The following RAB33B variants were observed in gnomAD, a reference collection of about 807,000 sequenced individuals.
RAB33B encodes the protein ras-related protein Rab-33B.
Under a neutral mutation model 15.0 loss-of-function variants are expected in RAB33B, and 6 were observed. The observed-to-expected ratio is 0.40, with a 90% CI of 0.22 to 0.79. The LOEUF is 0.79. Among genes scored for constraint, RAB33B ranks in the 30% least tolerant of loss-of-function variants. The pLI is 0.37. For missense variants in RAB33B, 257 were observed against 296.4 expected, an observed-to-expected ratio of 0.87 and a Z score of 0.98; for synonymous variants, 117 against 108.3, an observed-to-expected ratio of 1.08 and a Z score of -0.50.
upstream of RAB33B, chr4:139,450,764 AAG>A (rs1462895572): frequency 2.0e-5 from 3 of 152,122 alleles, no homozygotes; most frequent in African/African-American, 7.2e-5. Context: ...AAAATTATCT[AAG>A]AGCTGTTTCT....
the RAB33B span, among the ~76,000 whole-genome samples, chr4:139,441,593 A>G: frequency 6.6e-6 from 1 of 152,186 alleles, no homozygotes; most frequent in African/African-American, 2.4e-5. Flanking sequence ...TTTATGACGG[A>G]ATTATATCCC....
chr4:139,471,601 A>G (rs1214949038), intron 1 of RAB33B, among the ~76,000 whole-genome samples: 6 of 148,830 alleles, frequency 4.0e-5, no homozygotes, highest in Non-Finnish European at 7.4e-5. Flanking sequence ...TGATAGGTAG[A>G]GCTTTCTATT....
At chr4:139,439,099 G>A in the RAB33B span, among the ~76,000 whole-genome samples, 1,068 of 152,150 alleles carry the variant, frequency 7.0e-3, 8 homozygotes, top group African/African-American at 0.024. Flanking sequence ...TGCAAGCTCC[G>A]CCTCCTGGAT....
At chr4:139,466,427 A>G (rs1034917742) in intron 1 of RAB33B, among the ~76,000 whole-genome samples, 2 of 152,154 alleles carry the variant, frequency 1.3e-5, no homozygotes, top group Non-Finnish European at 2.9e-5. Context: ...TGATGAAGTG[A>G]TGCTTGAACA....
At chr4:139,449,292 T>C (rs1386839309), upstream of RAB33B, 1 of 152,240 alleles carries the variant, frequency 6.6e-6, no homozygotes, top group Non-Finnish European at 1.5e-5. Context: ...GGTGTAATTA[T>C]GACATTATTA....
At chr4:139,463,614 C>CA (rs1750214421) in intron 1 of RAB33B, among the ~76,000 whole-genome samples, 1 of 152,186 alleles carries the variant, frequency 6.6e-6, no homozygotes, top group Non-Finnish European at 1.5e-5. Flanking sequence ...CCAAAAGTAT[C>CA]AGTTTCTCTT....
chr4:139,469,337 G>C (rs1320175356), intron 1 of RAB33B, among the ~76,000 whole-genome samples: 1 of 152,024 alleles, frequency 6.6e-6, no homozygotes, highest in Non-Finnish European at 1.5e-5. Context: ...GATCAGTTCT[G>C]CTGTTAAAGG....
chr4:139,473,365 T>C lies in RAB33B; in HGVS notation c.*239T>C. 2.0e-6 allele frequency: 1 copy of C among 497,534 alleles called. No homozygotes were observed. The highest frequency in any genetic ancestry group is 3.5e-6 in the Non-Finnish European group (1 of 282,206). 30.8% of individuals were successfully genotyped at this position (497,534 alleles called of 1,614,324 possible). On this transcript the variant is annotated 3_prime_UTR_variant, in exon 2 of 2. Coordinates refer to ENST00000305626, the MANE Select transcript of RAB33B (RefSeq NM_031296.3). ...AAGATAGGATGAATCTGAACATCTC[T>C]CCATCTAGAGCCCAATGAAGGAAGC...
chr4:139,444,743 A>G, the RAB33B span, among the ~76,000 whole-genome samples: 3 of 152,110 alleles, frequency 2.0e-5, no homozygotes, highest in African/African-American at 7.2e-5. Context: ...CCCTGGACTC[A>G]TCCTGTGGTC....
chr4:139,439,252 G>A, the RAB33B span, among the ~76,000 whole-genome samples: 1 of 152,044 alleles, frequency 6.6e-6, no homozygotes, highest in Non-Finnish European at 1.5e-5. Flanking sequence ...CGCCCGCCTC[G>A]GCCTCCCAAA....
chr4:139,440,831 G>A, the RAB33B span, among the ~76,000 whole-genome samples: 1 of 152,124 alleles, frequency 6.6e-6, no homozygotes, highest in Admixed American at 6.5e-5. Flanking sequence ...TGCTGGTCTT[G>A]AACTCCTGAC....
In RAB33B at chr4:139,469,895, G is replaced by C. The variant is rs548977170; in HGVS notation, c.250-2791G>C. On this transcript the variant is annotated intron_variant, in intron 1 of 1. Coordinates refer to ENST00000305626, the MANE Select transcript of RAB33B (RefSeq NM_031296.3). ...TGTTCTGAGCAACCTAATACTGAGA[G>C]TGGAGGGACACAAGCACCCCTGTGA... 5.9e-5 allele frequency among the ~76,000 whole-genome samples: 9 copies of C among 152,284 alleles called. 1 individual carries two copies. In the South Asian group the frequency reaches 1.9e-3, roughly 32 times the overall value.
At chr4:139,446,199 G>A in the RAB33B span, among the ~76,000 whole-genome samples, 11 of 152,122 alleles carry the variant, frequency 7.2e-5, no homozygotes, top group Admixed American at 6.5e-5. Context: ...CTTATCTCCC[G>A]AGCCTGCACC....
intron 1 of RAB33B, among the ~76,000 whole-genome samples, chr4:139,460,850 A>G (rs1051672005): frequency 6.6e-6 from 1 of 152,188 alleles, no homozygotes; most frequent in African/African-American, 2.4e-5. Flanking sequence ...AAGCTTTCCT[A>G]CTATCTGAAG....
At chr4:139,467,016 T>G (rs1380681721) in intron 1 of RAB33B, among the ~76,000 whole-genome samples, 1 of 133,714 alleles carries the variant, frequency 7.5e-6, no homozygotes, top group Non-Finnish European at 1.6e-5. Context: ...TCACCCAGAC[T>G]AGAGTGCAGT....
rs796618375 is a variant in RAB33B, at chr4:139,464,401, T to G, written c.250-8285T>G. On this transcript the variant is annotated intron_variant, in intron 1 of 1. Coordinates refer to ENST00000305626, the MANE Select transcript of RAB33B (RefSeq NM_031296.3). ...GAGGAATACTGTTTTTTTTTTTTTT[T>G]TTTTTTTTTTTATACTTTAAGTTCT... 6.8e-4 allele frequency among the ~76,000 whole-genome samples: 101 copies of G among 149,462 alleles called. 1 individual carries two copies. In the South Asian group the frequency reaches 0.013, roughly 19 times the overall value.
At chr4:139,454,100 G>C, upstream of RAB33B, 1 of 1,429,508 alleles carries the variant, frequency 7.0e-7, no homozygotes, top group Non-Finnish European at 9.3e-7. Flanking sequence ...TTGCGCAGCC[G>C]AACTGGCCGG....
chr4:139,471,035 C>T (rs1322283249), intron 1 of RAB33B, among the ~76,000 whole-genome samples: 1 of 152,110 alleles, frequency 6.6e-6, no homozygotes, highest in Admixed American at 6.6e-5. Flanking sequence ...GCAGCACTCC[C>T]TTGGCTGTCC....
intron 1 of RAB33B, among the ~76,000 whole-genome samples, chr4:139,466,259 A>G (rs183459734): frequency 2.2e-4 from 33 of 152,308 alleles, no homozygotes; most frequent in African/African-American, 7.5e-4. Context: ...TATAAATGAC[A>G]TGCATGTTTG....
Sources: allele counts gnomAD v4.1 joint callset (sites outside exome capture counted in the v4.1 genomes callset), GRCh38; gene constraint gnomAD v4.1.1; transcripts MANE v1.5; gene names NCBI Gene and HGNC (gene_info 2026-07-23, HGNC 2026-07-21).